The following STMN1 variants were observed in gnomAD, a reference collection of about 807,000 sequenced individuals.
The protein encoded by STMN1 is stathmin.
STMN1 carries 3 observed loss-of-function variants against 19.7 expected under a neutral mutation model. That is an observed-to-expected ratio of 0.15 (90% confidence interval 0.07 to 0.39). The LOEUF (loss-of-function observed/expected upper bound fraction) is 0.39. STMN1 is among the 10% of genes least tolerant of loss of function. The pLI is 1.00. For missense variants in STMN1, 99 were observed against 176.0 expected (o/e 0.56, Z 2.48); for synonymous variants, 59 against 58.9 (o/e 1.00, Z -0.01).
At chr1:25,884,699 A>G (rs1217537575), downstream of STMN1, 3 of 138,670 alleles carry the variant, frequency 2.2e-5, no homozygotes, top group African/African-American at 7.9e-5. Flanking sequence ...CTGCCTCAAA[A>G]AAAAAAAAAA....
At chr1:25,897,277 C>T (rs2048825275), downstream of STMN1, among the ~76,000 whole-genome samples, 1 of 148,306 alleles carries the variant, frequency 6.7e-6, no homozygotes, top group Non-Finnish European at 1.5e-5. Flanking sequence ...CGTGCCACTG[C>T]ACTCCAGCCT....
At chr1:25,903,430 CA>C in intron 3 of STMN1, 1 of 565,666 alleles carries the variant, frequency 1.8e-6, no homozygotes, top group Non-Finnish European at 3.0e-6. Context: ...TTATTTGAGG[CA>C]ACACCATGTA....
downstream of STMN1, among the ~76,000 whole-genome samples, chr1:25,895,906 G>A (rs1249760474): frequency 6.6e-6 from 1 of 152,186 alleles, no homozygotes; most frequent in Non-Finnish European, 1.5e-5. Flanking sequence ...GGTCCGCAAA[G>A]GATGAGGACA....
At chr1:25,887,166 G>A (rs1044273910) in intron 4 of STMN1, among the ~76,000 whole-genome samples, 1 of 152,172 alleles carries the variant, frequency 6.6e-6, no homozygotes, top group East Asian at 1.9e-4. Flanking sequence ...TTAAAAAGTG[G>A]GATGGAGGAA....
In STMN1 at chr1:25,901,655, G is replaced by A; in HGVS notation, c.214C>T (p.Leu72=). 1.2e-6 allele frequency: 2 copies of A among 1,612,310 alleles called. No individual in the cohort carries two copies. The highest frequency in any genetic ancestry group is 8.5e-7 in the Non-Finnish European group (1 of 1,179,416). The change falls in exon 4 of 5, where the codon CTG becomes TTG. Residue 72 remains leucine, a synonymous_variant. Transcript: ENST00000455785. ...TTCTCGTGCTCTCGTTTCTCAGCCA[G>A]CTGCTTCAAGACCTCAGCTTCATGG... ...KSHEAEVLKQ[L]AEKREHEKEV...
intron 4 of STMN1, 52 bp from the exon 5 acceptor site, chr1:25,901,139 A>AAAAC: frequency 3.3e-6 from 5 of 1,514,188 alleles, no homozygotes; most frequent in Non-Finnish European, 1.8e-6. Flanking sequence ...AAAAAAAAAA[A>AAAAC]GCCTGTCAAG....
At chr1:25,897,081 G>A (rs1174764156), downstream of STMN1, among the ~76,000 whole-genome samples, 4 of 152,204 alleles carry the variant, frequency 2.6e-5, no homozygotes, top group Non-Finnish European at 5.9e-5. Flanking sequence ...TTGGGAGGCT[G>A]AGGCAGGCAG....
chr1:25,888,335 A>C (rs2048742524), intron 4 of STMN1, among the ~76,000 whole-genome samples: 1 of 152,198 alleles, frequency 6.6e-6, no homozygotes, highest in African/African-American at 2.4e-5. Flanking sequence ...TTGGGATTAA[A>C]TGAAATGCAA....
rs376363144 is a variant in STMN1 at position 25,900,957 on chromosome 1, C to T, written c.*59G>A. On this transcript the variant is annotated 3_prime_UTR_variant, in exon 5 of 5. Coordinates refer to ENST00000455785, the MANE Select transcript of STMN1 (RefSeq NM_005563.4). ...AGGGAAAAAATAAAATGACACTGGC[C>T]AGTACAGTCTTTGGATATTTAGGAA... 1.2e-6 allele frequency: 2 copies of T among 1,611,472 alleles called. No individual in the cohort carries two copies. Among genetic ancestry groups the T allele is most frequent in the East Asian group, 2.2e-5 (1 of 44,858 alleles).
intron 4 of STMN1, among the ~76,000 whole-genome samples, chr1:25,886,514 A>G (rs2048721925): frequency 6.7e-6 from 1 of 150,224 alleles, no homozygotes; most frequent in South Asian, 2.1e-4. Flanking sequence ...CCATGCTCAC[A>G]TGCTGCCATC....
chr1:25,887,195 C>T (rs775721318), intron 4 of STMN1, among the ~76,000 whole-genome samples: 12 of 152,284 alleles, frequency 7.9e-5, no homozygotes, highest in African/African-American at 1.4e-4. Context: ...GCCAGGCCTT[C>T]GTTCAGGTGC....
intron 4 of STMN1, chr1:25,885,974 G>C: frequency 7.3e-7 from 1 of 1,369,354 alleles, no homozygotes; most frequent in Admixed American, 3.1e-5. Context: ...CTCAAACTTT[G>C]CTACAAATGG....
rs1275327961 is a variant in STMN1, at chr1:25,906,030, C to A, written c.-63+359G>T. The A allele has an allele frequency of 6.8e-6, 1 of 147,918 alleles. No individual in the cohort carries two copies. Among genetic ancestry groups the A allele is most frequent in the African/African-American group, 2.5e-5 (1 of 40,780 alleles). 9.2% of individuals were successfully genotyped at this position (147,918 alleles called of 1,614,324 possible). ...GCCGCTGGTCCCTGGGGCACCGCCCCGTCCCTTCAGACAATGGGGAACCCG... is the reference window on the plus strand; with the variant it reads ...GCCGCTGGTCCCTGGGGCACCGCCCAGTCCCTTCAGACAATGGGGAACCCG... On this transcript the variant is annotated intron_variant, in intron 1 of 4. Transcript: ENST00000455785. This position sits in a 1 kb window ranked among gnomAD's most constrained non-coding sequence, Gnocchi z 4.5.
downstream of STMN1, chr1:25,884,217 T>C (rs2048703832): frequency 6.6e-6 from 1 of 152,234 alleles, no homozygotes; most frequent in African/African-American, 2.4e-5. Flanking sequence ...TTTCTCCCTA[T>C]ACAGAAGAGA....
intron 4 of STMN1, chr1:25,892,637 G>A (rs918923594): frequency 2.0e-6 from 2 of 981,206 alleles, no homozygotes; most frequent in Admixed American, 6.2e-5. Flanking sequence ...TCCCTACACT[G>A]AGTCAGAAGG....
Position 25,901,094 on chromosome 1 carries a change from A to G in STMN1, c.379-7T>C. The G allele has an allele frequency of 1.2e-6, 2 of 1,603,026 alleles. No homozygotes were observed. Among genetic ancestry groups the G allele is most frequent in the Non-Finnish European group, 1.7e-6 (2 of 1,173,630 alleles). ...CTTCTTCAATGTGCTTATCCTGTAAAGGAAGGGTAAGGTGTCATCAGTCAA... is the reference window on the plus strand; with the variant it reads ...CTTCTTCAATGTGCTTATCCTGTAAGGGAAGGGTAAGGTGTCATCAGTCAA... On this transcript the variant is annotated splice_region_variant and splice_polypyrimidine_tract_variant and intron_variant, in intron 4 of 4. Coordinates refer to ENST00000455785, the MANE Select transcript of STMN1 (RefSeq NM_005563.4).
chr1:25,890,710 T>C (rs973385529), intron 4 of STMN1, among the ~76,000 whole-genome samples: 4 of 152,152 alleles, frequency 2.6e-5, no homozygotes, highest in African/African-American at 9.7e-5. Flanking sequence ...TGACTACTCA[T>C]TTCATCCGTA....
At chr1:25,885,976 T>C (rs2048718010) in intron 4 of STMN1, 14 of 1,366,544 alleles carry the variant, frequency 1.0e-5, no homozygotes, top group Non-Finnish European at 1.3e-5. Context: ...CAAACTTTGC[T>C]ACAAATGGAA....
intron 3 of STMN1, 93 bp downstream of exon 3, chr1:25,903,548 G>C (rs1041641030): frequency 2.6e-5 from 40 of 1,510,312 alleles, no homozygotes; most frequent in Non-Finnish European, 3.3e-5. Context: ...TCACAGTGTA[G>C]CTACAATTCT....
Sources: allele counts gnomAD v4.1 joint callset (sites outside exome capture counted in the v4.1 genomes callset), GRCh38; gene constraint gnomAD v4.1.1; non-coding constraint Gnocchi (gnomAD v3.1); transcripts MANE v1.5; gene names NCBI Gene and HGNC (gene_info 2026-07-23, HGNC 2026-07-21).